Variants in ROBO1 observed in about 807,000 individuals in gnomAD.
The protein encoded by ROBO1 is roundabout homolog 1.
A neutral mutation model predicts 195.9 loss-of-function variants in ROBO1; 149 were observed. The ratio of observed to expected loss-of-function variants is 0.76; its 90% CI spans 0.67 to 0.87. The LOEUF (loss-of-function observed/expected upper bound fraction) is 0.87, where lower values mean the gene tolerates loss of function less well. ROBO1 is among the 40% of genes least tolerant of loss of function. The pLI is 0.00. For missense variants in ROBO1, 1,933 were observed against 2,068.3 expected (o/e 0.93, Z 1.27); for synonymous variants, 816 against 733.2 (o/e 1.11, Z -1.82).
intron 4 of ROBO1, among the ~76,000 whole-genome samples, chr3:78,750,655 A>C (rs1021835531): frequency 8.5e-5 from 13 of 152,144 alleles, no homozygotes; most frequent in Admixed American, 4.6e-4. Context: ...TTTGCAACTT[A>C]TCTGGGTAAT....
At chr3:79,208,334 A>T (rs928160402) in intron 2 of ROBO1, among the ~76,000 whole-genome samples, 2 of 152,188 alleles carry the variant, frequency 1.3e-5, no homozygotes, top group African/African-American at 4.8e-5. Flanking sequence ...AAAGTTATTA[A>T]TTTAATGTTT....
At chr3:79,365,875 C>G (rs963002217) in intron 2 of ROBO1, among the ~76,000 whole-genome samples, 1 of 142,966 alleles carries the variant, frequency 7.0e-6, no homozygotes, top group African/African-American at 2.7e-5. Flanking sequence ...CCAGCCTGGG[C>G]GACACAGCAA....
rs368378072 is a variant in ROBO1 at position 78,991,397 on chromosome 3, T to C, written c.173-52470A>G. On this transcript the variant is annotated intron_variant, in intron 3 of 30. Transcript: ENST00000464233. The stretch of plus-strand genomic sequence containing the variant: ...CAAAGTCAGCAGGAACTTTGGAAGA[T>C]GGATGTGAAAAAGGAACTGAAGACA... Among the ~76,000 whole-genome samples the C allele has an allele frequency of 7.6e-4, 116 of 152,324 alleles. 1 individual carries two copies. The highest frequency in any genetic ancestry group is 1.7e-3 in the East Asian group (9 of 5,186).
At chr3:79,482,982 C>G (rs1189093407) in intron 2 of ROBO1, among the ~76,000 whole-genome samples, 1 of 152,138 alleles carries the variant, frequency 6.6e-6, no homozygotes, top group African/African-American at 2.4e-5. Context: ...AACTCCTCAA[C>G]AACAACAGGG....
chr3:79,624,669 C>T (rs961316933), intron 1 of ROBO1, among the ~76,000 whole-genome samples: 1 of 151,698 alleles, frequency 6.6e-6, no homozygotes, highest in African/African-American at 2.4e-5. Context: ...TAAATATGCA[C>T]CCAATACAGG....
rs1398937390 is a variant in ROBO1 at position 79,047,472 on chromosome 3, G to A, written c.172+77984C>T. 2.0e-5 allele frequency among the ~76,000 whole-genome samples: 3 copies of A among 152,048 alleles called. No homozygotes were observed. The South Asian group carries it at 6.2e-4, about 32-fold the overall frequency. On this transcript the variant is annotated intron_variant, in intron 3 of 30. Transcript: ENST00000464233. ...CTTTGGAGTGCTGATCAGATCCAGG[G>A]CACTATAAGGAAAAGGTAGTCTGGA...
At chr3:79,319,956 G>C (rs1368504866) in intron 2 of ROBO1, among the ~76,000 whole-genome samples, 2 of 152,116 alleles carry the variant, frequency 1.3e-5, no homozygotes, top group Admixed American at 1.3e-4. Context: ...AAGTCAAGAA[G>C]TTGTAAACTG....
At chr3:79,353,417 AC>A in intron 2 of ROBO1, among the ~76,000 whole-genome samples, 1 of 152,060 alleles carries the variant, frequency 6.6e-6, no homozygotes, top group Non-Finnish European at 1.5e-5. Context: ...ACACACACAC[AC>A]ACACACACAC....
chr3:78,816,513 T>C (rs957786824), intron 4 of ROBO1, among the ~76,000 whole-genome samples: 5 of 152,156 alleles, frequency 3.3e-5, no homozygotes, highest in African/African-American at 1.2e-4. Flanking sequence ...TGTAAGGCTA[T>C]ATAGCTGCCA....
At chr3:79,578,884 G>T (rs1051081704) in intron 2 of ROBO1, among the ~76,000 whole-genome samples, 1 of 152,246 alleles carries the variant, frequency 6.6e-6, no homozygotes, top group Admixed American at 6.5e-5. Context: ...TTTTCATTAT[G>T]TTTGCCACGT....
Position 78,959,792 on chromosome 3 carries a change from A to G in ROBO1, c.173-20865T>C, listed in dbSNP as rs565829143. 3.3e-5 allele frequency among the ~76,000 whole-genome samples: 5 copies of G among 152,336 alleles called. No individual in the cohort carries two copies. The South Asian group carries it at 8.3e-4, about 25-fold the overall frequency. On this transcript the variant is annotated intron_variant, in intron 3 of 30. Transcript: ENST00000464233. The stretch of plus-strand genomic sequence containing the variant: ...AAGCAATATAGCAAGATCTGTGACA[A>G]TATAGCATCTGGTGTTTAATACACA...
chr3:79,174,236 C>T lies in ROBO1; in HGVS notation c.89-48697G>A, dbSNP rs143347134. ...CCTTTATAAGCTGTAACACTCACTGCGAAGGTCTGCAGCTTCACTCCTGAA... is the reference window on the plus strand; with the variant it reads ...CCTTTATAAGCTGTAACACTCACTGTGAAGGTCTGCAGCTTCACTCCTGAA... On this transcript the variant is annotated intron_variant, in intron 2 of 30. Coordinates refer to ENST00000464233, the MANE Select transcript of ROBO1 (RefSeq NM_002941.4). Among the ~76,000 whole-genome samples the T allele has an allele frequency of 2.6e-3, 396 of 152,142 alleles. 2 individuals carry two copies. Among genetic ancestry groups the T allele is most frequent in the African/African-American group, 9.0e-3 (375 of 41,506 alleles).
At chr3:79,422,826 A>G (rs1365592771) in intron 2 of ROBO1, among the ~76,000 whole-genome samples, 4 of 152,146 alleles carry the variant, frequency 2.6e-5, no homozygotes, top group Non-Finnish European at 5.9e-5. Flanking sequence ...AGAGTACTTT[A>G]TCTTTGCTCA....
chr3:79,301,665 A>C (rs2032963873), intron 2 of ROBO1, among the ~76,000 whole-genome samples: 1 of 152,214 alleles, frequency 6.6e-6, no homozygotes, highest in African/African-American at 2.4e-5. Flanking sequence ...ACAATAAAAA[A>C]CATAATTATT....
intron 2 of ROBO1, among the ~76,000 whole-genome samples, chr3:79,520,754 AT>A (rs1018769376): frequency 2.0e-5 from 3 of 152,124 alleles, no homozygotes; most frequent in African/African-American, 7.2e-5. Context: ...GTTAATTGAT[AT>A]TTGTATCCAA....
intron 4 of ROBO1, among the ~76,000 whole-genome samples, chr3:78,933,852 C>T (rs919288156): frequency 2.4e-4 from 37 of 152,020 alleles, no homozygotes; most frequent in African/African-American, 6.7e-4. Flanking sequence ...TTTGCATGTC[C>T]TGCATCACCA....
At chr3:78,668,372 A>G (rs1227289364) in intron 12 of ROBO1, 70 bp from the exon 13 acceptor site, 1 of 1,593,786 alleles carries the variant, frequency 6.3e-7, no homozygotes, top group East Asian at 2.2e-5. Context: ...AAATGCAGAT[A>G]ACATATTCAT....
intron 8 of ROBO1, among the ~76,000 whole-genome samples, chr3:78,712,638 T>G (rs1342665188): frequency 6.6e-6 from 1 of 152,158 alleles, no homozygotes; most frequent in African/African-American, 2.4e-5. Flanking sequence ...TTTTAAACAT[T>G]TATAGAAAAC....
chr3:78,702,822 C>G (rs1479542055), intron 8 of ROBO1, among the ~76,000 whole-genome samples: 1 of 151,888 alleles, frequency 6.6e-6, no homozygotes, highest in Non-Finnish European at 1.5e-5. Flanking sequence ...CTCAGACCAT[C>G]ATGGAAGGCC....
Sources: gnomAD v4.1 joint callset for allele counts (sites outside exome capture counted in the v4.1 genomes callset) on GRCh38, gnomAD v4.1.1 for gene constraint, MANE v1.5 for transcripts, NCBI Gene and HGNC (gene_info 2026-07-23, HGNC 2026-07-21) for gene names.